FAM120C: variants seen among roughly 807,000 people sequenced by gnomAD.
The protein encoded by FAM120C is constitutive coactivator of PPAR-gamma-like protein 2.
In FAM120C, 14 loss-of-function variants were observed where a neutral mutation model predicts 71.2. That is an observed-to-expected ratio of 0.20 (90% CI 0.13 to 0.31). The LOEUF (loss-of-function observed/expected upper bound fraction) is 0.31, where lower values mean the gene tolerates loss of function less well. FAM120C is among the 10% of genes least tolerant of loss of function. FAM120C has a pLI of 1.00. For synonymous variants in FAM120C, 354 were observed against 353.2 expected, an observed-to-expected ratio of 1.00 and a Z score of -0.03; for missense variants, 500 against 879.0, an observed-to-expected ratio of 0.57 and a Z score of 5.45.
At chrX:54,176,142 A>G (rs1219155807) in intron 1 of FAM120C, among the ~76,000 whole-genome samples, 1 of 111,515 alleles carries the variant, frequency 9.0e-6, no homozygotes, top group Non-Finnish European at 1.9e-5. Flanking sequence ...TATAAAAAGT[A>G]GAGATTTAGG....
At position 54,073,278 on chromosome X, in the gene FAM120C, C is replaced by T. The variant is rs1557120279; in HGVS notation, c.3046G>A (p.Asp1016Asn). 1.7e-6 allele frequency: 2 copies of T among 1,200,113 alleles called. No individual in the cohort carries two copies. Among genetic ancestry groups the T allele is most frequent in the East Asian group, 6.0e-5 (2 of 33,588 alleles). ...HKKGNKQGSSDGVSKSLELHQ... is the reference protein window; with the variant it reads ...HKKGNKQGSSNGVSKSLELHQ... Reference sequence around the variant, plus strand: ...AGCTCCAGGGATTTAGAAACTCCATCTGAAGAGCCCTGTTAAAAACAGAGA... The same window carrying T: ...AGCTCCAGGGATTTAGAAACTCCATTTGAAGAGCCCTGTTAAAAACAGAGA... Residue 1016 changes from aspartate (D) to asparagine (N), a missense_variant, in exon 16 of 16, where the codon GAT becomes AAT. By Grantham distance (23) the Asp-to-Asn change is conservative. Transcript: ENST00000375180.
intron 9 of FAM120C, among the ~76,000 whole-genome samples, chrX:54,128,725 C>T (rs1229900056): frequency 9.5e-4 from 106 of 111,716 alleles, no homozygotes; most frequent in Non-Finnish European, 1.8e-3. Context: ...CATCTTGCAC[C>T]GCCCTTAATC....
In FAM120C at chrX:54,134,882, G is replaced by T. The variant is rs781798544; in HGVS notation, c.1565C>A (p.Ser522Tyr). 3.3e-6 allele frequency: 4 copies of T among 1,211,674 alleles called. No homozygotes were observed. The highest frequency in any genetic ancestry group is 4.5e-6 in the Non-Finnish European group (4 of 895,464). The part of the protein sequence containing the change: ...SKASPPLGPD[S>Y]SHSSSSDGDE... ...ACCATCAGAGGAAGAGGAGTGGGAA[G>T]AGTCTGGTCCCAAAGGAGGTGAGGC... Residue 522 changes from serine (S) to tyrosine (Y), a missense_variant, in exon 7 of 16, where the codon TCT (serine) becomes TAT (tyrosine). Ser to Tyr is a moderately radical substitution (Grantham distance 144, BLOSUM62 -2). Around this residue, in one of 11 missense-constraint regions of FAM120C, gnomAD observed 85 missense variants for 84.9 expected, o/e 1.00. Transcript: ENST00000375180.
At chrX:54,150,483 T>G (rs72620341) in intron 4 of FAM120C, among the ~76,000 whole-genome samples, 1 of 111,687 alleles carries the variant, frequency 9.0e-6, no homozygotes, top group East Asian at 2.8e-4. Context: ...TTTTAAAAAT[T>G]TATTTTCAAA....
intron 14 of FAM120C, among the ~76,000 whole-genome samples, chrX:54,080,799 T>A (rs7881411): frequency 1.7e-3 from 166 of 100,310 alleles, no homozygotes; most frequent in African/African-American, 6.0e-3. Flanking sequence ...GAGGTGGAGG[T>A]TGCAGTGTGC....
chrX:54,145,325 T>C (rs2146622105), intron 4 of FAM120C, among the ~76,000 whole-genome samples: 2 of 111,511 alleles, frequency 1.8e-5, no homozygotes, highest in South Asian at 7.5e-4. Context: ...TGGGATCTAA[T>C]TAAACTAAAG....
chrX:54,090,300 C>T (rs1435511896), intron 11 of FAM120C, among the ~76,000 whole-genome samples: 4 of 107,768 alleles, frequency 3.7e-5, no homozygotes, highest in Non-Finnish European at 5.7e-5. Context: ...GGTGCAATCT[C>T]GGCTCACTGC....
intron 1 of FAM120C, among the ~76,000 whole-genome samples, chrX:54,164,666 A>C (rs1264874870): frequency 8.9e-6 from 1 of 112,239 alleles, no homozygotes; most frequent in Non-Finnish European, 1.9e-5. Context: ...ATCAACAGAC[A>C]TTTGGGTTGC....
At position 54,132,681 on chromosome X, in the gene FAM120C, A is replaced by T. The variant is rs1557129578; in HGVS notation, c.2062+11T>A. 2.5e-6 allele frequency: 3 copies of T among 1,191,022 alleles called. No homozygotes were observed. In the South Asian group the frequency reaches 5.6e-5, roughly 22 times the overall value. Reference sequence around the variant, plus strand: ...TGCTGAGAGAATTGTCATAGCTAGAACTACACTTACCTTCCACAGGCAGCC... The same window carrying T: ...TGCTGAGAGAATTGTCATAGCTAGATCTACACTTACCTTCCACAGGCAGCC... On this transcript the variant is annotated intron_variant, in intron 9 of 15. Coordinates refer to ENST00000375180, the MANE Select transcript of FAM120C (RefSeq NM_017848.6).
chrX:54,136,677 A>G, intron 4 of FAM120C, 87 bp from the exon 5 acceptor site: 3 of 667,269 alleles, frequency 4.5e-6, no homozygotes, highest in Non-Finnish European at 6.9e-6. Context: ...CAAAATAATT[A>G]TCAGAAATCA....
intron 4 of FAM120C, among the ~76,000 whole-genome samples, chrX:54,145,978 T>C (rs1470496541): frequency 9.0e-6 from 1 of 111,709 alleles, no homozygotes; most frequent in African/African-American, 3.3e-5. Flanking sequence ...TATGCAGCCA[T>C]AAAAAAGGAT....
In FAM120C at chrX:54,129,363, G is replaced by A. The variant is rs781968727; in HGVS notation, c.2062+3329C>T. On this transcript the variant is annotated intron_variant, in intron 9 of 15. Coordinates refer to ENST00000375180, the MANE Select transcript of FAM120C (RefSeq NM_017848.6). The stretch of plus-strand genomic sequence containing the variant: ...GACGGGGTCGCAGCCGGGCAGAGGC[G>A]CTCCTCACATCCCAGACGGGGCGGC... 3.8e-5 allele frequency among the ~76,000 whole-genome samples: 4 copies of A among 106,635 alleles called. No homozygotes were observed. The East Asian group carries it at 9.2e-4, about 25-fold the overall frequency. The allele number at this position is 106,635 out of a possible 115,157, so 92.6% of individuals were successfully genotyped here.
At chrX:54,124,968 T>A (rs2067018393) in intron 9 of FAM120C, among the ~76,000 whole-genome samples, 1 of 111,891 alleles carries the variant, frequency 8.9e-6, no homozygotes, top group Non-Finnish European at 1.9e-5. Context: ...GGATGTCCAG[T>A]TGATCTAACA....
intron 10 of FAM120C, among the ~76,000 whole-genome samples, chrX:54,107,046 C>T (rs782606099): frequency 9.1e-6 from 1 of 110,091 alleles, no homozygotes; most frequent in East Asian, 2.8e-4. Flanking sequence ...GTCCATGTAA[C>T]GTAGAGAACC....
chrX:54,105,212 G>A (rs1024109745), intron 10 of FAM120C, among the ~76,000 whole-genome samples: 3 of 111,295 alleles, frequency 2.7e-5, no homozygotes, highest in Non-Finnish European at 5.6e-5. Flanking sequence ...TGTCCACCAC[G>A]ATCAAGTCGG....
chrX:54,140,728 C>T (rs782808439), intron 4 of FAM120C, among the ~76,000 whole-genome samples: 31 of 109,291 alleles, frequency 2.8e-4, no homozygotes, highest in Non-Finnish European at 5.5e-4. Flanking sequence ...CCGAGGCAGG[C>T]GGATCACTTA....
At chrX:54,126,614 T>C (rs782691744) in intron 9 of FAM120C, among the ~76,000 whole-genome samples, 4 of 112,865 alleles carry the variant, frequency 3.5e-5, no homozygotes, top group African/African-American at 1.3e-4. Context: ...AGTTCCCTTC[T>C]ATTCTTAGTT....
rs782078480 is a variant in FAM120C, at chrX:54,100,492, C to T, written c.2313-9066G>A. Among the ~76,000 whole-genome samples the T allele has an allele frequency of 3.7e-5, 4 of 109,241 alleles. No individual in the cohort carries two copies. The East Asian group carries it at 1.2e-3, about 32-fold the overall frequency. 94.9% of individuals were successfully genotyped at this position (109,241 alleles called of 115,157 possible). ...TGGGTGACAGAGCGAGACTCCATCT[C>T]AAACAAACAAATAAACAAACAAACA... On this transcript the variant is annotated intron_variant, in intron 10 of 15. Coordinates refer to ENST00000375180, the MANE Select transcript of FAM120C (RefSeq NM_017848.6).
At chrX:54,079,454 GAGAGAGAGAGAAAGA>G (rs1444729236) in intron 15 of FAM120C, among the ~76,000 whole-genome samples, 3 of 109,366 alleles carry the variant, frequency 2.7e-5, no homozygotes, top group South Asian at 3.9e-4. Context: ...GAGAGAGAGA[GAGAGAGAGAGAAAGA>G]AGAGAGAGAG....
Sources: allele counts gnomAD v4.1 joint callset (sites outside exome capture counted in the v4.1 genomes callset), GRCh38; gene constraint gnomAD v4.1.1; regional missense constraint gnomAD v4.1.1; transcripts MANE v1.5; gene names NCBI Gene and HGNC (gene_info 2026-07-23, HGNC 2026-07-21).